Variants in EPDR1 observed in about 807,000 individuals in gnomAD.
EPDR1 encodes ependymin related 1, also known as mammalian ependymin-related protein 1.
EPDR1 carries 27 observed loss-of-function variants against 23.7 expected under a neutral mutation model. The ratio of observed to expected loss-of-function variants is 1.14; its 90% CI spans 0.84 to 1.57. EPDR1 has a LOEUF of 1.57. EPDR1 is among the 40% of genes most tolerant of loss of function. EPDR1 has a pLI of 0.00. For synonymous variants in EPDR1, 137 were observed against 118.2 expected (o/e 1.16, Z -1.03); for missense variants, 349 against 290.4 (o/e 1.20, Z -1.47).
Position 37,920,850 on chromosome 7 carries a change from G to A in EPDR1, c.-90G>A, listed in dbSNP as rs1409240805. The A allele has an allele frequency of 6.2e-7, 1 of 1,610,710 alleles. No homozygotes were observed. Among genetic ancestry groups the A allele is most frequent in the Non-Finnish European group, 8.5e-7 (1 of 1,178,792 alleles). Reference sequence around the variant, plus strand: ...CAGACCACACTCCCGGCACAGTGCGGAAAGAGCCGGCGGGAGCCACTCTGA... The same window carrying A: ...CAGACCACACTCCCGGCACAGTGCGAAAAGAGCCGGCGGGAGCCACTCTGA... On this transcript the variant is annotated 5_prime_UTR_variant, in exon 1 of 3. Transcript: ENST00000199448.
At chr7:37,943,330 C>A (rs1311266496) in intron 1 of EPDR1, among the ~76,000 whole-genome samples, 1 of 152,218 alleles carries the variant, frequency 6.6e-6, no homozygotes, top group Non-Finnish European at 1.5e-5. Flanking sequence ...CAATTCCTCT[C>A]AAAGTCTGTT....
chr7:37,948,611 G>C (rs1037957874), intron 1 of EPDR1, among the ~76,000 whole-genome samples: 14 of 152,162 alleles, frequency 9.2e-5, no homozygotes, highest in African/African-American at 3.1e-4. Context: ...GCCTCCCAAA[G>C]TGCTGGGATT....
chr7:37,940,216 G>A (rs1182853688), intron 1 of EPDR1, among the ~76,000 whole-genome samples: 1 of 152,164 alleles, frequency 6.6e-6, no homozygotes, highest in South Asian at 2.1e-4. Context: ...ATTCACATAT[G>A]TAGTTGCTTA....
intron 1 of EPDR1, among the ~76,000 whole-genome samples, chr7:37,936,695 G>C (rs1214681927): frequency 6.6e-6 from 1 of 152,026 alleles, no homozygotes; most frequent in Non-Finnish European, 1.5e-5. Flanking sequence ...GATAGTGTAA[G>C]AGAAAGTGTC....
Position 37,950,313 on chromosome 7 carries a change from A to T in EPDR1, c.592A>T (p.Ile198Phe). 1 of 1,614,060 alleles carries T rather than the reference A, an allele frequency of 6.2e-7. No homozygotes were observed. Residue 198 changes from isoleucine (I) to phenylalanine (F), a missense_variant, in exon 3 of 3, where the codon ATT (isoleucine) becomes TTT (phenylalanine). Physicochemically the swap from Ile to Phe is conservative, Grantham distance 21. Coordinates refer to ENST00000199448, the MANE Select transcript of EPDR1 (RefSeq NM_017549.5). The part of the protein sequence containing the change: ...STRFFDIQLG[I>F]KDPSVFTPPS... ...GCGGTTTTTTGACATCCAGCTGGGT[A>T]TTAAAGACCCCTCGGTGTTTACCCC...
chr7:37,932,276 A>T (rs1190086961), intron 1 of EPDR1, among the ~76,000 whole-genome samples: 1 of 152,010 alleles, frequency 6.6e-6, no homozygotes, highest in Non-Finnish European at 1.5e-5. Flanking sequence ...CCATGACTGC[A>T]TTTTTAATTT....
intron 1 of EPDR1, among the ~76,000 whole-genome samples, chr7:37,927,494 C>A (rs1002508607): frequency 1.3e-5 from 2 of 152,204 alleles, no homozygotes; most frequent in African/African-American, 4.8e-5. Flanking sequence ...CACACATGGG[C>A]TCTGCGCTCC....
chr7:37,937,380 G>A (rs1277067155), intron 1 of EPDR1, among the ~76,000 whole-genome samples: 1 of 152,052 alleles, frequency 6.6e-6, no homozygotes, highest in East Asian at 1.9e-4. Flanking sequence ...AAAGGAATTT[G>A]CTTTTAAAAA....
At chr7:37,949,200 T>C (rs1786345174) in intron 2 of EPDR1, 152 bp downstream of exon 2, 1 of 675,990 alleles carries the variant, frequency 1.5e-6, no homozygotes, top group South Asian at 2.0e-5. Context: ...CTTTGCTCAC[T>C]ATGTGGCAAC....
At chr7:37,923,095 A>C (rs1031021206) in intron 1 of EPDR1, among the ~76,000 whole-genome samples, 2 of 152,336 alleles carry the variant, frequency 1.3e-5, no homozygotes, top group South Asian at 2.1e-4. Flanking sequence ...GACATGGCGA[A>C]GGGTCATACT....
intron 1 of EPDR1, among the ~76,000 whole-genome samples, chr7:37,934,515 T>C (rs1037460796): frequency 6.6e-6 from 1 of 152,092 alleles, no homozygotes; most frequent in African/African-American, 2.4e-5. Flanking sequence ...CAAACTTTCC[T>C]TTAGATCTTC....
At position 37,933,581 on chromosome 7, in the gene EPDR1, T is replaced by C. The variant is rs79094519; in HGVS notation, c.269+12373T>C. ...GTCTGTAACCTCTGCTTTGGATGTG[T>C]TCTTTTTTTCCTGACTACTCCAAAT... is the stretch of plus-strand genomic sequence containing the variant. On this transcript the variant is annotated intron_variant, in intron 1 of 2. Coordinates refer to ENST00000199448, the MANE Select transcript of EPDR1 (RefSeq NM_017549.5). Among the ~76,000 whole-genome samples the C allele has an allele frequency of 5.9e-3, 904 of 152,306 alleles. 8 individuals carry two copies. The highest frequency in any genetic ancestry group is 0.021 in the African/African-American group (864 of 41,556).
At chr7:37,944,892 A>C (rs1460911495) in intron 1 of EPDR1, among the ~76,000 whole-genome samples, 1 of 152,180 alleles carries the variant, frequency 6.6e-6, no homozygotes, top group Non-Finnish European at 1.5e-5. Context: ...TTCTCCAGGG[A>C]ACAACTATTG....
At chr7:37,940,087 T>C (rs561619333) in intron 1 of EPDR1, among the ~76,000 whole-genome samples, 143 of 152,168 alleles carry the variant, frequency 9.4e-4, no homozygotes, top group Non-Finnish European at 1.7e-3. Context: ...ACAGTAAATT[T>C]ACATGGCCAT....
Position 37,940,880 on chromosome 7 carries a change from C to A in EPDR1, c.270-7960C>A, listed in dbSNP as rs576958881. 4.2e-3 allele frequency among the ~76,000 whole-genome samples: 637 copies of A among 151,870 alleles called. 6 individuals are homozygous for A. The highest frequency in any genetic ancestry group is 0.014 in the African/African-American group (597 of 41,412). ...TCAATGGCAATGAGCCCATCTAGTG[C>A]CCTGATGTCAGTTTCTAAGTTGTTT... On this transcript the variant is annotated intron_variant, in intron 1 of 2. Coordinates refer to ENST00000199448, the MANE Select transcript of EPDR1 (RefSeq NM_017549.5).
chr7:37,923,888 T>C (rs1313016311), intron 1 of EPDR1, among the ~76,000 whole-genome samples: 1 of 152,174 alleles, frequency 6.6e-6, no homozygotes, highest in African/African-American at 2.4e-5. Context: ...CAATGTCTGA[T>C]AGTACGCACA....
chr7:37,934,682 G>T (rs373040958), intron 1 of EPDR1, among the ~76,000 whole-genome samples: 53 of 152,278 alleles, frequency 3.5e-4, no homozygotes, highest in African/African-American at 1.3e-3. Flanking sequence ...GGTGGTTCAT[G>T]CCTGTAATAC....
intron 1 of EPDR1, among the ~76,000 whole-genome samples, chr7:37,925,247 A>C (rs887534901): frequency 1.9e-4 from 29 of 152,244 alleles, no homozygotes; most frequent in African/African-American, 6.5e-4. Flanking sequence ...GTTGATACAC[A>C]ATGAACCCTC....
chr7:37,921,078 C>G lies in EPDR1; in HGVS notation c.139C>G (p.Gln47Glu), dbSNP rs760718697. The change falls in exon 1 of 3, where the codon CAG becomes GAG. Residue 47 changes from glutamine (Q) to glutamate (E), a missense_variant. By Grantham distance (29) the Gln-to-Glu change is conservative. Transcript: ENST00000199448. ...CCCGCGCCCGTGCCAGGCGCCGCAG[C>G]AGTGGGAGGGGCGCCAGGTTATGTA... ...GAPRPCQAPQ[Q>E]WEGRQVMYQQ... 6.4e-7 allele frequency: 1 copy of G among 1,574,686 alleles called. No homozygotes were observed.
Sources: gnomAD v4.1 joint callset for allele counts (sites outside exome capture counted in the v4.1 genomes callset) on GRCh38, gnomAD v4.1.1 for gene constraint, MANE v1.5 for transcripts, NCBI Gene and HGNC (gene_info 2026-07-23, HGNC 2026-07-21) for gene names.